Variants in NLRP2 observed in about 807,000 individuals in gnomAD.
The protein encoded by NLRP2 is NACHT, LRR and PYD domains-containing protein 2.
In NLRP2, 107 loss-of-function variants were observed where a neutral mutation model predicts 97.2. The observed-to-expected ratio is 1.10, with a 90% confidence interval of 0.94 to 1.29. The LOEUF is 1.29. Among genes scored for constraint, NLRP2 ranks in the 50% most tolerant of loss-of-function variants. The probability of loss-of-function intolerance (pLI) is 0.00; values close to 1 mark genes in which losing one functional copy is unlikely to be tolerated. For missense variants in NLRP2, 1,495 were observed against 1,330.3 expected (o/e 1.12, Z -1.93); for synonymous variants, 663 against 551.5 (o/e 1.20, Z -2.83).
At chr19:54,973,590 T>C (rs964077059) in intron 2 of NLRP2, among the ~76,000 whole-genome samples, 1 of 151,940 alleles carries the variant, frequency 6.6e-6, no homozygotes, top group Non-Finnish European at 1.5e-5. Context: ...ACCAGACTGG[T>C]CTCGAACTCC....
chr19:54,988,943 G>A (rs1341507875), intron 8 of NLRP2, among the ~76,000 whole-genome samples: 1 of 152,092 alleles, frequency 6.6e-6, no homozygotes, highest in Non-Finnish European at 1.5e-5. Flanking sequence ...GCCTAGGCTG[G>A]TGTATCGCTT....
In NLRP2 at chr19:54,983,369, C is replaced by T. The variant is rs766002975; in HGVS notation, c.1671C>T (p.Ser557=). The change falls in exon 6 of 13, where the codon TCC becomes TCT. Residue 557 remains serine, a synonymous_variant. Transcript: ENST00000448584. ...NPDLIQAGYY[S]FGLANEKRAK... is the part of the protein sequence containing the mutation. ...ACCTGATCCAAGCAGGCTACTACTCCTTTGGCCTCGCTAACGAGAAGAGAG... is the reference window on the plus strand; with the variant it reads ...ACCTGATCCAAGCAGGCTACTACTCTTTTGGCCTCGCTAACGAGAAGAGAG... 3.7e-6 allele frequency: 6 copies of T among 1,614,236 alleles called. No homozygotes were observed. The highest frequency in any genetic ancestry group is 4.2e-6 in the Non-Finnish European group (5 of 1,180,046).
intron 10 of NLRP2, among the ~76,000 whole-genome samples, chr19:54,992,686 C>A (rs1267279921): frequency 1.3e-5 from 2 of 151,050 alleles, no homozygotes; most frequent in Admixed American, 1.3e-4. Flanking sequence ...CCTGCCTCAG[C>A]CTCCCAGGGA....
In NLRP2 at chr19:55,000,907, G is replaced by T. The variant is rs770874757; in HGVS notation, c.*9G>T. The T allele has an allele frequency of 6.2e-7, 1 of 1,613,286 alleles. No homozygotes were observed. Among genetic ancestry groups the T allele is most frequent in the Admixed American group, 1.7e-5 (1 of 59,998 alleles). ...ATGACTTCATGATCTGAATCCCCCC[G>T]AGTCATTCATTCTCCATGAAGTCAT... On this transcript the variant is annotated 3_prime_UTR_variant, in exon 13 of 13. Transcript: ENST00000448584.
In NLRP2 at chr19:54,983,322, G is replaced by C; in HGVS notation, c.1624G>C (p.Val542Leu). ...IGDVQKLLSG[V>L]ERLRNPDLIQ... ...GGACGTACAGAAGCTGCTTTCCGGA[G>C]TAGAAAGACTCAGGAACCCCGACCT... Residue 542 changes from valine (V) to leucine (L), a missense_variant, in exon 6 of 13, where the codon GTA (valine) becomes CTA (leucine). By Grantham distance (32) the Val-to-Leu change is conservative. Transcript: ENST00000448584. The C allele has an allele frequency of 6.2e-7, 1 of 1,614,218 alleles. No homozygotes were observed. Among genetic ancestry groups the C allele is most frequent in the South Asian group, 1.1e-5 (1 of 91,090 alleles).
At chr19:54,967,026 T>TA (rs980866067) in intron 1 of NLRP2, among the ~76,000 whole-genome samples, 6 of 151,660 alleles carry the variant, frequency 4.0e-5, no homozygotes, top group Non-Finnish European at 8.8e-5. Context: ...ATATTATTAT[T>TA]ACCACTGTTT....
At position 54,997,442 on chromosome 19, in the gene NLRP2, T is replaced by G. The variant is rs1568543541; in HGVS notation, c.3005T>G (p.Leu1002Arg). Residue 1002 changes from leucine (L) to arginine (R), a missense_variant, in exon 12 of 13, where the codon CTG becomes CGG. Leu to Arg is a moderately radical substitution (Grantham distance 102). Transcript: ENST00000448584. The part of the protein sequence containing the change: ...NPLGSSGVKM[L>R]FETLTCSSGT... The stretch of plus-strand genomic sequence containing the variant: ...TTGGGGTCTAGTGGAGTGAAGATGC[T>G]GTTTGAAACCTTGACATGTTCCAGT... 4 of 1,614,222 alleles carry G rather than the reference T, an allele frequency of 2.5e-6. No individual in the cohort carries two copies. Among genetic ancestry groups the G allele is most frequent in the African/African-American group, 1.3e-5 (1 of 75,058 alleles).
At chr19:54,966,907 T>C (rs1402014249) in intron 1 of NLRP2, among the ~76,000 whole-genome samples, 1 of 145,052 alleles carries the variant, frequency 6.9e-6, no homozygotes, top group Non-Finnish European at 1.5e-5. Flanking sequence ...TGTGGCAGGA[T>C]CTCGGCTCAC....
At chr19:54,996,762 C>G (rs889035009) in intron 11 of NLRP2, among the ~76,000 whole-genome samples, 14 of 151,986 alleles carry the variant, frequency 9.2e-5, no homozygotes, top group African/African-American at 2.4e-4. Flanking sequence ...AGAACTCCCC[C>G]CCGAGCTCTA....
rs574992038 is a variant in NLRP2 at position 54,973,843 on chromosome 19, G to T, written c.281-657G>T. ...TGGTGAATGTTCCTGAAACCCGCCG[G>T]ACTTTCTGTAAGAAGTGTGGCAAGC... On this transcript the variant is annotated intron_variant, in intron 2 of 12. Transcript: ENST00000448584. 9.6e-6 allele frequency: 6 copies of T among 627,670 alleles called. No individual in the cohort carries two copies. In the East Asian group the frequency reaches 1.6e-4, roughly 16 times the overall value. The allele number at this position is 627,670 out of a possible 1,614,324, so 38.9% of individuals were successfully genotyped here.
At chr19:54,971,915 G>A (rs528754088) in intron 2 of NLRP2, among the ~76,000 whole-genome samples, 6 of 151,480 alleles carry the variant, frequency 4.0e-5, no homozygotes, top group East Asian at 1.9e-4. Flanking sequence ...TGCAACCTCC[G>A]CCTCCCGGGT....
At chr19:54,973,164 C>T in intron 2 of NLRP2, among the ~76,000 whole-genome samples, 1 of 151,062 alleles carries the variant, frequency 6.6e-6, no homozygotes, top group Non-Finnish European at 1.5e-5. Flanking sequence ...GCGCTCCAGC[C>T]TGGGTGACAG....
At position 54,998,248 on chromosome 19, in the gene NLRP2, A is replaced by G. The variant is rs138485273; in HGVS notation, c.3050+761A>G. Among the ~76,000 whole-genome samples the G allele has an allele frequency of 6.8e-4, 102 of 149,750 alleles. No individual in the cohort carries two copies. In the East Asian group the frequency reaches 0.018, roughly 27 times the overall value. ...TGGCCAGGGTGGTCTCAAACTCCTG[A>G]CCTCCGTGATTTGCCCACCTCAGCA... On this transcript the variant is annotated intron_variant, in intron 12 of 12. Coordinates refer to ENST00000448584, the MANE Select transcript of NLRP2 (RefSeq NM_017852.5).
chr19:54,989,688 AGAATGACTTGTTCTGCCGGGCGCGGT>A lies in NLRP2; in HGVS notation c.2367-332_2367-307del, dbSNP rs2072328211. On this transcript the variant is annotated intron_variant, in intron 8 of 12. Coordinates refer to ENST00000448584, the MANE Select transcript of NLRP2 (RefSeq NM_017852.5). Reference sequence around the variant, plus strand: ...AGACGATTCCACGGTTAGATTCTCAAGAATGACTTGTTCTGCCGGGCGCGGTGGCTCACGCCTGTCATCCCAGCACT... The same window carrying A: ...AGACGATTCCACGGTTAGATTCTCAAGGCTCACGCCTGTCATCCCAGCACT... The A allele has an allele frequency of 9.3e-6, 4 of 430,958 alleles. No individual in the cohort carries two copies. In the East Asian group the frequency reaches 1.4e-4, roughly 16 times the overall value. The allele number at this position is 430,958 out of a possible 1,614,324, so 26.7% of individuals were successfully genotyped here. A position where few individuals can be genotyped will look rare whatever the true frequency, so the allele number is the denominator to read the frequency against.
At chr19:54,977,464 C>T (rs539667128) in intron 3 of NLRP2, among the ~76,000 whole-genome samples, 1 of 146,618 alleles carries the variant, frequency 6.8e-6, no homozygotes, top group Non-Finnish European at 1.5e-5. Flanking sequence ...AAAGCCTTTC[C>T]AGTGGCCTTA....
Position 54,983,518 on chromosome 19 carries a change from GCTGT to G in NLRP2, c.1825_1828del (p.Leu609ThrfsTer9). ...GTGACAGACCTGCAGGAGCTCCTCG[GCTGT>G]CTGTACGAGTCTCAGGAGGAGGAGC... On this transcript the variant is annotated frameshift_variant, in exon 6 of 13. Coordinates refer to ENST00000448584, the MANE Select transcript of NLRP2 (RefSeq NM_017852.5). LOFTEE classifies it high-confidence loss of function. 1 of 1,614,180 alleles carries G rather than the reference GCTGT, an allele frequency of 6.2e-7. No individual in the cohort carries two copies. Among genetic ancestry groups the G allele is most frequent in the South Asian group, 1.1e-5 (1 of 91,082 alleles).
At chr19:54,967,223 CTG>C (rs2146316780) in intron 1 of NLRP2, among the ~76,000 whole-genome samples, 1 of 152,216 alleles carries the variant, frequency 6.6e-6, no homozygotes, top group Admixed American at 6.6e-5. Context: ...TGGCTCACGC[CTG>C]TAATCGCAGC....
At chr19:54,974,058 A>C in intron 2 of NLRP2, 3 of 1,095,786 alleles carry the variant, frequency 2.7e-6, no homozygotes, top group Non-Finnish European at 4.1e-6. Context: ...AATGCTGGCT[A>C]TTAAAAGATA....
At position 54,996,755 on chromosome 19, in the gene NLRP2, A is replaced by C. The variant is rs148300331; in HGVS notation, c.2880-562A>C. ...CACAAGCTATTTCTCTGCCTGGAGA[A>C]CTCCCCCCCGAGCTCTATGACTCGG... On this transcript the variant is annotated intron_variant, in intron 11 of 12. Coordinates refer to ENST00000448584, the MANE Select transcript of NLRP2 (RefSeq NM_017852.5). Among the ~76,000 whole-genome samples, 1,449 of 147,940 alleles carry C rather than the reference A, an allele frequency of 9.8e-3. 18 individuals carry two copies. The highest frequency in any genetic ancestry group is 0.029 in the Admixed American group (425 of 14,728).
Sources: allele counts gnomAD v4.1 joint callset (sites outside exome capture counted in the v4.1 genomes callset), GRCh38; gene constraint gnomAD v4.1.1; transcripts MANE v1.5; gene names NCBI Gene and HGNC (gene_info 2026-07-23, HGNC 2026-07-21).